Variants in HMCN1 observed in about 807,000 individuals in gnomAD.
HMCN1 encodes hemicentin-1.
In HMCN1, 321 loss-of-function variants were observed where a neutral mutation model predicts 625.9. The ratio of observed to expected loss-of-function variants is 0.51; its 90% CI spans 0.47 to 0.56. HMCN1 has a LOEUF of 0.56. Ranked by LOEUF, HMCN1 falls within the 20% of genes least tolerant of loss-of-function variation. HMCN1 has a pLI of 0.00. For synonymous variants in HMCN1, 2,425 were observed against 2,417.6 expected, an observed-to-expected ratio of 1.00 and a Z score of -0.09; for missense variants, 6,588 against 6,887.3, an observed-to-expected ratio of 0.96 and a Z score of 1.54.
intron 1 of HMCN1, among the ~76,000 whole-genome samples, chr1:185,843,330 A>G (rs909433113): frequency 6.6e-6 from 1 of 152,154 alleles, no homozygotes; most frequent in Non-Finnish European, 1.5e-5. Context: ...GGCAGGAGAA[A>G]GAAAAGGGGG....
chr1:186,066,277 A>G (rs1361506148), intron 49 of HMCN1, among the ~76,000 whole-genome samples: 1 of 151,378 alleles, frequency 6.6e-6, no homozygotes, highest in Non-Finnish European at 1.5e-5. Flanking sequence ...TATTATATAT[A>G]TGTTCATTCA....
intron 40 of HMCN1, among the ~76,000 whole-genome samples, chr1:186,045,330 C>A (rs374875955): frequency 6.6e-6 from 1 of 152,142 alleles, no homozygotes; most frequent in African/African-American, 2.4e-5. Flanking sequence ...ATATTGAATG[C>A]GTATTCACTC....
chr1:185,743,207 G>C (rs1654105576), intron 1 of HMCN1, among the ~76,000 whole-genome samples: 1 of 152,206 alleles, frequency 6.6e-6, no homozygotes, highest in Non-Finnish European at 1.5e-5. Context: ...TTTCATGAAT[G>C]AATGAATGAA....
chr1:186,142,325 CA>C (rs779676425), intron 89 of HMCN1, among the ~76,000 whole-genome samples: 22 of 152,258 alleles, frequency 1.4e-4, no homozygotes, highest in East Asian at 1.2e-3. Context: ...CCTGTTCCTG[CA>C]AAGGATGGGA....
At chr1:185,875,960 G>T (rs190675663) in intron 4 of HMCN1, among the ~76,000 whole-genome samples, 49 of 152,076 alleles carry the variant, frequency 3.2e-4, no homozygotes, top group African/African-American at 1.1e-3. Context: ...GTACAGGTTT[G>T]TTACCTGGAT....
chr1:185,989,368 C>T (rs1322290620), intron 20 of HMCN1, 120 bp from the exon 21 acceptor site: 1 of 1,133,230 alleles, frequency 8.8e-7, no homozygotes, highest in East Asian at 2.4e-5. Context: ...AAAATTTACT[C>T]TATTCCCCTC....
intron 63 of HMCN1, 34 bp from the exon 64 acceptor site, chr1:186,090,722 GTC>G (rs1187216179): frequency 6.2e-7 from 1 of 1,607,724 alleles, no homozygotes; most frequent in Admixed American, 1.7e-5. Flanking sequence ...TATATCCTGT[GTC>G]TTGTTAATGA....
At chr1:186,173,989 A>G (rs1447633041) in intron 102 of HMCN1, among the ~76,000 whole-genome samples, 1 of 152,252 alleles carries the variant, frequency 6.6e-6, no homozygotes, top group African/African-American at 2.4e-5. Flanking sequence ...ATGCTTTTCC[A>G]TAGCAGGAAT....
chr1:185,963,264 G>GTGA (rs1558098939), intron 12 of HMCN1, among the ~76,000 whole-genome samples: 1 of 152,104 alleles, frequency 6.6e-6, no homozygotes, highest in African/African-American at 2.4e-5. Flanking sequence ...AGTCATACGT[G>GTGA]TGATCCAGCC....
intron 1 of HMCN1, among the ~76,000 whole-genome samples, chr1:185,831,198 A>T (rs1660836503): frequency 6.6e-6 from 1 of 152,192 alleles, no homozygotes; most frequent in African/African-American, 2.4e-5. Flanking sequence ...TGTTAAAAGA[A>T]TAAACATCCT....
chr1:185,839,691 T>C (rs1661367427), intron 1 of HMCN1, among the ~76,000 whole-genome samples: 1 of 152,194 alleles, frequency 6.6e-6, no homozygotes. Flanking sequence ...ATTAAGGAGT[T>C]CTTCTTTGCT....
Position 185,977,981 on chromosome 1 carries a change from A to G in HMCN1, c.2566A>G (p.Asn856Asp). The G allele has an allele frequency of 1.3e-6, 2 of 1,598,102 alleles. No homozygotes were observed. The highest frequency in any genetic ancestry group is 2.2e-5 in the South Asian group (2 of 90,720). ...AAGAACAGGAGCTCTCTTTATTTTA[A>G]GTAGGTTGAAGGAAATATATTTTGT... is the stretch of plus-strand genomic sequence containing the variant. ...QLRTGALFIL[N>D]LWASDKGTYI... The change falls in exon 16 of 107, where the codon AAC (asparagine) becomes GAC (aspartate). Residue 856 changes from asparagine to aspartate, a missense_variant and splice_region_variant. Physicochemically the swap from Asn to Asp is conservative, Grantham distance 23. Transcript: ENST00000271588.
chr1:186,044,409 G>A (rs1656412711), intron 40 of HMCN1, among the ~76,000 whole-genome samples: 1 of 152,074 alleles, frequency 6.6e-6, no homozygotes. Flanking sequence ...CCAAAACAGT[G>A]CATGAAAGTG....
At position 186,062,523 on chromosome 1, in the gene HMCN1, A is replaced by C. The variant is rs748712794; in HGVS notation, c.7436A>C (p.His2479Pro). Residue 2479 changes from histidine to proline, a missense_variant, in exon 48 of 107, where the codon CAT (histidine) becomes CCT (proline). This residue lies in a region of HMCN1 where 4,628 missense variants were observed against 4,853.1 expected (regional missense o/e 0.95). Transcript: ENST00000271588. The stretch of plus-strand genomic sequence containing the variant: ...TGTTGTTGTTTTTTAGTACCACCTC[A>C]TATTGTGGGTGAAAATACATTGGAA... ...IFGLSVLVPP[H>P]IVGENTLEDV... is the part of the protein sequence containing the mutation. The C allele has an allele frequency of 4.4e-6, 7 of 1,605,402 alleles. No individual in the cohort carries two copies. The highest frequency in any genetic ancestry group is 6.0e-6 in the Non-Finnish European group (7 of 1,172,282).
chr1:185,924,213 A>ATTTTT (rs1558068693), intron 8 of HMCN1, among the ~76,000 whole-genome samples: 7 of 77,624 alleles, frequency 9.0e-5, no homozygotes, highest in African/African-American at 2.5e-4. Flanking sequence ...CTCTGACCCA[A>ATTTTT]TCTTTTTTTT....
chr1:186,130,783 CTT>C, intron 85 of HMCN1, 86 bp downstream of exon 85: 1 of 1,112,034 alleles, frequency 9.0e-7, no homozygotes, highest in Non-Finnish European at 1.4e-6. Context: ...AAACATTTCT[CTT>C]ACATTCCTAT....
At chr1:185,924,941 G>A in intron 8 of HMCN1, 106 bp from the exon 9 acceptor site, 1 of 985,264 alleles carries the variant, frequency 1.0e-6, no homozygotes, top group Non-Finnish European at 1.6e-6. Flanking sequence ...GGATTTACTG[G>A]AATAATTTAA....
At chr1:185,937,471 T>C (rs559006272) in intron 11 of HMCN1, among the ~76,000 whole-genome samples, 29 of 152,284 alleles carry the variant, frequency 1.9e-4, no homozygotes, top group African/African-American at 6.5e-4. Flanking sequence ...ACATCTCCCA[T>C]GAGGCCTCAT....
chr1:185,887,849 T>C (rs2102404300), intron 4 of HMCN1, among the ~76,000 whole-genome samples: 2 of 141,074 alleles, frequency 1.4e-5, no homozygotes, highest in South Asian at 4.6e-4. Context: ...GGTCAAATGG[T>C]ATTTCCAGTT....
Sources: allele counts gnomAD v4.1 joint callset (sites outside exome capture counted in the v4.1 genomes callset), GRCh38; gene constraint gnomAD v4.1.1; regional missense constraint gnomAD v4.1.1; transcripts MANE v1.5; gene names NCBI Gene and HGNC (gene_info 2026-07-23, HGNC 2026-07-21).